Variants in BAG6 observed in about 807,000 individuals in gnomAD.
BAG6 encodes the protein large proline-rich protein BAG6.
Under a neutral mutation model 121.0 loss-of-function variants are expected in BAG6, and 22 were observed. The ratio of observed to expected loss-of-function variants is 0.18; its 90% CI spans 0.13 to 0.26. The LOEUF is 0.26. Ranked by LOEUF, BAG6 falls within the 10% of genes least tolerant of loss-of-function variation. The pLI, the probability that BAG6 is intolerant of heterozygous loss-of-function variation, is 1.00. For synonymous variants in BAG6, 583 were observed against 584.6 expected, an observed-to-expected ratio of 1.00 and a Z score of 0.04; for missense variants, 1,233 against 1,537.7, an observed-to-expected ratio of 0.80 and a Z score of 3.31.
In BAG6 at chr6:31,645,460, T is replaced by G. The variant is rs138038562; in HGVS notation, c.1063A>C (p.Met355Leu). The change falls in exon 9 of 26, where the codon ATG becomes CTG. Residue 355 changes from methionine to leucine, a missense_variant. This residue lies in a region of BAG6 where 777 missense variants were observed against 861.4 expected (regional missense o/e 0.90). Transcript: ENST00000676615. Reference sequence around the variant, plus strand: ...ACCATGGGGGTGGTGTAGTGAGACATAGGCCGGACCACATGCAGGTGTCGT... The same window carrying G: ...ACCATGGGGGTGGTGTAGTGAGACAGAGGCCGGACCACATGCAGGTGTCGT... Reference protein sequence around the residue: ...PPRHLHVVRPMSHYTTPMVLQ... With the variant: ...PPRHLHVVRPLSHYTTPMVLQ... 2.5e-6 allele frequency: 4 copies of G among 1,613,044 alleles called. No individual in the cohort carries two copies. Among genetic ancestry groups the G allele is most frequent in the Non-Finnish European group, 3.4e-6 (4 of 1,180,012 alleles).
rs1783121356 is a variant in BAG6 at position 31,641,816 on chromosome 6, T to C, written c.2465A>G (p.His822Arg). 4 of 1,612,954 alleles carry C rather than the reference T, an allele frequency of 2.5e-6. No homozygotes were observed. Among genetic ancestry groups the C allele is most frequent in the Admixed American group, 1.7e-5 (1 of 60,002 alleles). ...TGTGGGCTCCTGACCACCCAGGTAG[T>C]GCTGGTGGAAGAAGGATCGCAGCTG... ...QPQLRSFFHQ[H>R]YLGGQEPTPS... Residue 822 changes from histidine to arginine, a missense_variant, in exon 17 of 26, where the codon CAC becomes CGC. This residue lies in a region of BAG6 where 288 missense variants were observed against 483.1 expected (regional missense o/e 0.60). Coordinates refer to ENST00000676615, the MANE Select transcript of BAG6 (RefSeq NM_001387994.1). The surrounding 1 kb of genome is among the most constrained non-coding windows in gnomAD (Gnocchi z 5.7).
chr6:31,644,308 T>C lies in BAG6; in HGVS notation c.1554A>G (p.Ala518=). Residue 518 remains alanine (A), a splice_region_variant and synonymous_variant, in exon 12 of 26, where the codon GCA becomes GCG. Transcript: ENST00000676615. The surrounding 1 kb of genome is among the most constrained non-coding windows in gnomAD (Gnocchi z 4.9). ...AMVAAVASAA[A]GQQVPGFPTA... Reference sequence around the variant, plus strand: ...AAGCCTCCCCTTCCAGGTCATTACCTGCGGCCGCGGAGGCAACAGCTGCCA... The same window carrying C: ...AAGCCTCCCCTTCCAGGTCATTACCCGCGGCCGCGGAGGCAACAGCTGCCA... The C allele has an allele frequency of 6.4e-7, 1 of 1,552,024 alleles. No individual in the cohort carries two copies. The highest frequency in any genetic ancestry group is 8.7e-7 in the Non-Finnish European group (1 of 1,147,230).
chr6:31,649,788 G>GT (rs1794318732), intron 2 of BAG6, among the ~76,000 whole-genome samples, 161 bp from the exon 3 acceptor site: 1 of 152,144 alleles, frequency 6.6e-6, no homozygotes, highest in Non-Finnish European at 1.5e-5. Flanking sequence ...TTAAACTAAA[G>GT]TAACAGCTGT....
Position 31,651,683 on chromosome 6 carries a change from T to C in BAG6, c.81A>G (p.Gln27=), listed in dbSNP as rs777284547. Residue 27 remains glutamine, a synonymous_variant, in exon 2 of 26, where the codon CAA becomes CAG. Coordinates refer to ENST00000676615, the MANE Select transcript of BAG6 (RefSeq NM_001387994.1). ...LEVLVKTLDS[Q]TRTFIVGAQM... The stretch of plus-strand genomic sequence containing the variant: ...GGGCCCCCACAATAAAGGTACGAGT[T>C]TGAGAGTCCAAGGTCTTCACCAACA... 1 of 1,613,056 alleles carries C rather than the reference T, an allele frequency of 6.2e-7. No homozygotes were observed. Among genetic ancestry groups the C allele is most frequent in the Non-Finnish European group, 8.5e-7 (1 of 1,180,044 alleles).
At position 31,642,193 on chromosome 6, in the gene BAG6, T is replaced by C; in HGVS notation, c.2254A>G (p.Ser752Gly). 1 of 1,612,950 alleles carries C rather than the reference T, an allele frequency of 6.2e-7. No homozygotes were observed. Among genetic ancestry groups the C allele is most frequent in the East Asian group, 2.2e-5 (1 of 44,886 alleles). ...LLGSLGARAG[S>G]SESIAAFIQR... The stretch of plus-strand genomic sequence containing the variant: ...ATGAAGGCAGCAATACTTTCACTGC[T>C]GCCAGCCCGAGCCCCCAGGGAGCCC... Residue 752 changes from serine (S) to glycine (G), a missense_variant, in exon 16 of 26, where the codon AGC becomes GGC. Physicochemically the swap from Ser to Gly is moderately conservative, Grantham distance 56. Transcript: ENST00000676615.
chr6:31,643,745 A>AAAAAAAAAAAAAC (rs1785506325), intron 14 of BAG6, 145 bp downstream of exon 14: 1 of 588,684 alleles, frequency 1.7e-6, no homozygotes, highest in African/African-American at 2.0e-5. Flanking sequence ...AAAAAAAAAA[A>AAAAAAAAAAAAAC]AGCTGAAACC....
Position 31,643,992 on chromosome 6 carries a change from A to G in BAG6, c.1669-15T>C, listed in dbSNP as rs759335457. On this transcript the variant is annotated splice_polypyrimidine_tract_variant and intron_variant, in intron 13 of 25. Transcript: ENST00000676615. ...CCGGCGCCCTGCTGGATAGAGAGCA[A>G]GGGAGAATTTCAGACCTGCCCTTCC... 1 of 1,614,026 alleles carries G rather than the reference A, an allele frequency of 6.2e-7. No individual in the cohort carries two copies. The highest frequency in any genetic ancestry group is 8.5e-7 in the Non-Finnish European group (1 of 1,179,930).
chr6:31,645,222 A>C lies in BAG6; in HGVS notation c.1117-24T>G, dbSNP rs372394071. On this transcript the variant is annotated intron_variant, in intron 9 of 25. Transcript: ENST00000676615. Reference sequence around the variant, plus strand: ...ATCTGAAAAAGACAGATGGACAGGCAGATGTGAGAAAAATACAAGAGCCTA... The same window carrying C: ...ATCTGAAAAAGACAGATGGACAGGCCGATGTGAGAAAAATACAAGAGCCTA... 1,233 of 1,601,874 alleles carry C rather than the reference A, an allele frequency of 7.7e-4. 2 individuals are homozygous for C. The highest frequency in any genetic ancestry group is 9.4e-4 in the Non-Finnish European group (1,105 of 1,175,238).
chr6:31,648,621 G>T, intron 6 of BAG6, 56 bp downstream of exon 6: 1 of 1,565,792 alleles, frequency 6.4e-7, no homozygotes, highest in Non-Finnish European at 8.8e-7. Flanking sequence ...CTCCCAGGCT[G>T]AGAGAAAAGG....
chr6:31,650,170 C>CA (rs1181642692), intron 2 of BAG6, among the ~76,000 whole-genome samples: 26 of 149,048 alleles, frequency 1.7e-4, no homozygotes, highest in Admixed American at 6.7e-4. Flanking sequence ...GGATGAAAAA[C>CA]AAAAAAAAAA....
rs370098023 is a variant in BAG6 at position 31,639,958 on chromosome 6, G to A, written c.3246+241C>T. On this transcript the variant is annotated intron_variant, in intron 24 of 25. Transcript: ENST00000676615. The stretch of plus-strand genomic sequence containing the variant: ...CACCTTAAAGGAAAATGGGATCTAA[G>A]CACATGGGGATTAGGCAGCTGAGCA... 1.1e-3 allele frequency among the ~76,000 whole-genome samples: 174 copies of A among 152,300 alleles called. 1 individual carries two copies. The highest frequency in any genetic ancestry group is 5.2e-3 in the South Asian group (25 of 4,824).
Position 31,640,704 on chromosome 6 carries a change from G to C in BAG6, c.2935C>G (p.Pro979Ala). ...YVRRVGDPPQ[P>A]LPEEPMEVQG... is the part of the protein sequence containing the mutation. ...ACTTCCATTGGCTCCTCAGGAAGTG[G>C]CTGTGAAATTAAAGAACACCATACT... The change falls in exon 22 of 26, where the codon CCA becomes GCA. Residue 979 changes from proline to alanine, a missense_variant and splice_region_variant. Pro to Ala is a conservative substitution (Grantham distance 27). This residue lies in a region of BAG6 where 288 missense variants were observed against 483.1 expected (regional missense o/e 0.60). Transcript: ENST00000676615. This position sits in a 1 kb window ranked among gnomAD's most constrained non-coding sequence, Gnocchi z 4.2. 1 of 1,612,984 alleles carries C rather than the reference G, an allele frequency of 6.2e-7. No individual in the cohort carries two copies. Among genetic ancestry groups the C allele is most frequent in the Non-Finnish European group, 8.5e-7 (1 of 1,180,014 alleles).
Position 31,644,948 on chromosome 6 carries a change from T to C in BAG6, c.1367A>G (p.Gln456Arg). The change falls in exon 10 of 26, where the codon CAA (glutamine) becomes CGA (arginine). Residue 456 changes from glutamine to arginine, a missense_variant and splice_region_variant. Physicochemically the swap from Gln to Arg is conservative, Grantham distance 43. Transcript: ENST00000676615. This position sits in a 1 kb window ranked among gnomAD's most constrained non-coding sequence, Gnocchi z 4.9. ...TTCTCGCCAGCAACTATTCTCACCT[T>C]GAATGTTCATGTGCATCATGACCAC... ...EPVVMMHMNIQDSGTQPGGVP... is the reference protein window; with the variant it reads ...EPVVMMHMNIRDSGTQPGGVP... The C allele has an allele frequency of 6.3e-7, 1 of 1,575,382 alleles. No individual in the cohort carries two copies. The highest frequency in any genetic ancestry group is 8.6e-7 in the Non-Finnish European group (1 of 1,159,604).
chr6:31,645,962 T>C (rs3130048), intron 8 of BAG6, among the ~76,000 whole-genome samples: 35,453 of 152,100 alleles, frequency 0.23, 4,419 homozygotes, highest in East Asian at 0.29. Flanking sequence ...TAGAGAGAAA[T>C]TGTTTTGTTG....
Position 31,651,531 on chromosome 6 carries a change from T to TC in BAG6, c.108+124dup, listed in dbSNP as rs1796716815. On this transcript the variant is annotated intron_variant, in intron 2 of 25. Coordinates refer to ENST00000676615, the MANE Select transcript of BAG6 (RefSeq NM_001387994.1). ...TCCAGCCTGGAAGACAGGGCGTGAC[T>TC]CCATCTCAAAAAAAAGAAAAAAAAA... The TC allele has an allele frequency of 1.0e-5, 8 of 799,490 alleles. No homozygotes were observed. In the East Asian group the frequency reaches 2.1e-4, roughly 21 times the overall value. 49.5% of individuals were successfully genotyped at this position (799,490 alleles called of 1,614,324 possible).
chr6:31,649,757 A>AG (rs1794257920), intron 2 of BAG6, 130 bp from the exon 3 acceptor site: 1 of 762,186 alleles, frequency 1.3e-6, no homozygotes, highest in African/African-American at 1.7e-5. Flanking sequence ...CTTGACCGTG[A>AG]GATCATTACT....
At chr6:31,645,794 A>G (rs114919178) in intron 8 of BAG6, among the ~76,000 whole-genome samples, 190 bp from the exon 9 acceptor site, 2,554 of 152,340 alleles carry the variant, frequency 0.017, 38 homozygotes, top group Non-Finnish European at 0.023. Context: ...ACATCCTATT[A>G]AAACACTACT....
Position 31,644,800 on chromosome 6 carries a change from C to T in BAG6, c.1369+146G>A, listed in dbSNP as rs1415044502. On this transcript the variant is annotated intron_variant, in intron 10 of 25. Transcript: ENST00000676615. The surrounding 1 kb of genome is among the most constrained non-coding windows in gnomAD (Gnocchi z 4.9). ...GACAAACCAACCCCCACACCCCCCACATCTGTCTACTTAAGCTTCTGCTCT... is the reference window on the plus strand; with the variant it reads ...GACAAACCAACCCCCACACCCCCCATATCTGTCTACTTAAGCTTCTGCTCT... The T allele has an allele frequency of 2.9e-6, 4 of 1,375,332 alleles. No individual in the cohort carries two copies. The highest frequency in any genetic ancestry group is 3.0e-6 in the Non-Finnish European group (3 of 997,646). The allele number at this position is 1,375,332 out of a possible 1,614,324, so 85.2% of individuals were successfully genotyped here.
chr6:31,643,603 A>G (rs970853894), intron 14 of BAG6, among the ~76,000 whole-genome samples: 1 of 150,966 alleles, frequency 6.6e-6, no homozygotes, highest in African/African-American at 2.4e-5. Context: ...GTGCACCTGT[A>G]GTCCCAGCTA....
Sources: gnomAD v4.1 joint callset for allele counts (sites outside exome capture counted in the v4.1 genomes callset) on GRCh38, gnomAD v4.1.1 for gene constraint, gnomAD v4.1.1 regional missense constraint, Gnocchi (gnomAD v3.1) non-coding constraint, MANE v1.5 for transcripts, NCBI Gene and HGNC (gene_info 2026-07-23, HGNC 2026-07-21) for gene names.